The following STK3 variants were observed in gnomAD, a reference collection of about 807,000 sequenced individuals.
STK3 encodes serine/threonine kinase 3.
Under a neutral mutation model 58.0 loss-of-function variants are expected in STK3, and 41 were observed. The ratio of observed to expected loss-of-function variants is 0.71; its 90% CI spans 0.55 to 0.92. The LOEUF (loss-of-function observed/expected upper bound fraction) is 0.92. Among genes scored for constraint, STK3 ranks in the 40% least tolerant of loss-of-function variants. STK3 has a pLI of 0.00. For synonymous variants in STK3, 170 were observed against 191.0 expected, an observed-to-expected ratio of 0.89 and a Z score of 0.91; for missense variants, 479 against 602.7, an observed-to-expected ratio of 0.79 and a Z score of 2.15.
At chr8:98,941,547 A>C (rs1366187795) in intron 1 of STK3, among the ~76,000 whole-genome samples, 1 of 152,264 alleles carries the variant, frequency 6.6e-6, no homozygotes, top group Non-Finnish European at 1.5e-5. Flanking sequence ...AAAAGTTTCG[A>C]GGATCCGAGT....
intron 9 of STK3, among the ~76,000 whole-genome samples, chr8:98,535,138 C>T (rs1268871017): frequency 6.6e-6 from 1 of 152,054 alleles, no homozygotes; most frequent in African/African-American, 2.4e-5. Context: ...AAGTCAGAAT[C>T]AGGGAGGAGA....
intron 6 of STK3, among the ~76,000 whole-genome samples, chr8:98,642,832 A>C (rs1322714806): frequency 2.0e-5 from 3 of 152,220 alleles, no homozygotes; most frequent in African/African-American, 7.2e-5. Context: ...AGAATGAACA[A>C]AATCTCAAGT....
intron 9 of STK3, among the ~76,000 whole-genome samples, chr8:98,543,672 G>A (rs1274772025): frequency 1.3e-5 from 2 of 152,074 alleles, no homozygotes; most frequent in African/African-American, 4.8e-5. Flanking sequence ...AGGGAGCAAC[G>A]TCATCTACTG....
intron 10 of STK3, among the ~76,000 whole-genome samples, chr8:98,519,690 T>C (rs1007785281): frequency 8.5e-5 from 13 of 152,170 alleles, no homozygotes; most frequent in African/African-American, 3.1e-4. Context: ...GGCAACTTTA[T>C]ACTTGGGGAG....
intron 4 of STK3, among the ~76,000 whole-genome samples, chr8:98,718,772 A>G (rs925179796): frequency 1.3e-5 from 2 of 152,060 alleles, no homozygotes; most frequent in Non-Finnish European, 2.9e-5. Context: ...ATGGTATTTC[A>G]TATTATATAA....
At chr8:98,415,780 T>G (rs1046681020) in intron 3 of STK3, among the ~76,000 whole-genome samples, 1 of 152,210 alleles carries the variant, frequency 6.6e-6, no homozygotes, top group Admixed American at 6.5e-5. Context: ...GAACAGATGA[T>G]TTTTTGAAAT....
chr8:98,346,078 G>C, the STK3 span, among the ~76,000 whole-genome samples: 1 of 152,036 alleles, frequency 6.6e-6, no homozygotes. Context: ...CTGAGGTGAG[G>C]AGTTCAAGAC....
Position 98,660,314 on chromosome 8 carries a change from T to C in STK3, c.684+46153A>G, listed in dbSNP as rs1301730750. Among the ~76,000 whole-genome samples the C allele has an allele frequency of 3.3e-5, 5 of 152,120 alleles. No individual in the cohort carries two copies. In the East Asian group the frequency reaches 9.7e-4, roughly 29 times the overall value. On this transcript the variant is annotated intron_variant, in intron 6 of 10. Transcript: ENST00000419617. The stretch of plus-strand genomic sequence containing the variant: ...ACTTAATGGGTAAGAGTTGCAGTTG[T>C]GCTAGATGAAAAAATCCTGCAGATC...
intron 9 of STK3, among the ~76,000 whole-genome samples, chr8:98,532,478 C>T (rs1563710198): frequency 6.6e-6 from 1 of 152,042 alleles, no homozygotes; most frequent in Non-Finnish European, 1.5e-5. Flanking sequence ...GTGTAACAGA[C>T]ATAATAATGA....
chr8:98,464,540 TAAAAAAAAAA>T, intron 10 of STK3, among the ~76,000 whole-genome samples: 1 of 69,228 alleles, frequency 1.4e-5, no homozygotes, highest in East Asian at 4.7e-4. Flanking sequence ...TACTTAAAGT[TAAAAAAAAAA>T]AAAAAAAAAA....
chr8:98,753,730 G>A (rs1830122348), intron 3 of STK3, among the ~76,000 whole-genome samples: 1 of 151,462 alleles, frequency 6.6e-6, no homozygotes, highest in African/African-American at 2.4e-5. Flanking sequence ...AAAAACAAAG[G>A]CAATAAATAC....
intron 6 of STK3, among the ~76,000 whole-genome samples, chr8:98,604,697 G>C (rs146340395): frequency 5.1e-4 from 77 of 152,288 alleles, no homozygotes; most frequent in African/African-American, 1.8e-3. Context: ...AATGGCTGCA[G>C]CTGGCTTTTG....
At chr8:98,706,354 T>TA (rs1434929527) in intron 6 of STK3, 113 bp downstream of exon 6, 3 of 1,134,670 alleles carry the variant, frequency 2.6e-6, no homozygotes, top group Non-Finnish European at 3.6e-6. Flanking sequence ...TTACCATTTT[T>TA]AAAAAGAATA....
intron 6 of STK3, among the ~76,000 whole-genome samples, chr8:98,663,082 G>C (rs1353775372): frequency 1.3e-5 from 2 of 152,158 alleles, no homozygotes; most frequent in Non-Finnish European, 2.9e-5. Context: ...TACCACCAGA[G>C]TGAAGAGGCA....
At chr8:98,859,323 C>G (rs1379549187) in intron 3 of STK3, among the ~76,000 whole-genome samples, 4 of 152,104 alleles carry the variant, frequency 2.6e-5, no homozygotes, top group Non-Finnish European at 5.9e-5. Flanking sequence ...GAAAATGATA[C>G]TACATTTTTA....
chr8:98,529,691 T>C (rs1387140438), intron 9 of STK3, among the ~76,000 whole-genome samples: 1 of 152,076 alleles, frequency 6.6e-6, no homozygotes. Flanking sequence ...ATTAGCAAAA[T>C]GTGAGGAAGG....
At position 98,889,699 on chromosome 8, in the gene STK3, A is replaced by G. The variant is rs533780771; in HGVS notation, c.-78-5865T>C. The G allele has an allele frequency of 5.9e-5, 9 of 152,348 alleles. 1 individual carries two copies. Among genetic ancestry groups the G allele is most frequent in the African/African-American group, 2.2e-4 (9 of 41,564 alleles). The allele number at this position is 152,348 out of a possible 1,614,324, so 9.4% of individuals were successfully genotyped here. A position where few individuals can be genotyped will look rare whatever the true frequency, so the allele number is the denominator to read the frequency against. ...GAATGCATTATACTTCATTTAGATC[A>G]GCGGTCTCAAATATTAGCATGCGTC... On this transcript the variant is annotated intron_variant, in intron 1 of 1. Transcript: ENST00000519420.
chr8:98,612,042 A>AAT (rs1817237259), intron 6 of STK3, among the ~76,000 whole-genome samples: 2 of 148,920 alleles, frequency 1.3e-5, no homozygotes, highest in African/African-American at 4.9e-5. Flanking sequence ...TAGTATATAA[A>AAT]ATATATATAA....
chr8:98,830,919 G>A (rs899536643), intron 3 of STK3, among the ~76,000 whole-genome samples: 2 of 139,532 alleles, frequency 1.4e-5, no homozygotes, highest in African/African-American at 2.7e-5. Flanking sequence ...GCAGTGAGCC[G>A]AGATAGTGCC....
Sources: gnomAD v4.1 joint callset for allele counts (sites outside exome capture counted in the v4.1 genomes callset) on GRCh38, gnomAD v4.1.1 for gene constraint, MANE v1.5 for transcripts, NCBI Gene and HGNC (gene_info 2026-07-23, HGNC 2026-07-21) for gene names.